The following CEP126 variants were observed in gnomAD, a reference collection of about 807,000 sequenced individuals.
CEP126 encodes centrosomal protein 126, also known as centrosomal protein of 126 kDa.
In CEP126, 74 loss-of-function variants were observed where a neutral mutation model predicts 107.8. That is an observed-to-expected ratio of 0.69 (90% CI 0.57 to 0.83). CEP126 has a LOEUF of 0.83. Among genes scored for constraint, CEP126 ranks in the 40% least tolerant of loss-of-function variants. The pLI, the probability that CEP126 is intolerant of heterozygous loss-of-function variation, is 0.00. For synonymous variants in CEP126, 449 were observed against 446.0 expected (o/e 1.01, Z -0.08); for missense variants, 1,237 against 1,281.9 (o/e 0.96, Z 0.53).
At chr11:101,978,248 G>A (rs1941215713) in intron 6 of CEP126, 99 bp from the exon 7 acceptor site, 11 of 746,534 alleles carry the variant, frequency 1.5e-5, no homozygotes, top group Non-Finnish European at 2.3e-6. Context: ...AACTTACAGA[G>A]TTTTCTTGAT....
rs142643716 is a variant in CEP126, at chr11:101,915,016, T to C, written c.-269T>C. 5,914 of 399,538 alleles carry C rather than the reference T, an allele frequency of 0.015. 102 individuals carry two copies. Among genetic ancestry groups the C allele is most frequent in the African/African-American group, 0.06 (2,948 of 48,858 alleles). 24.7% of individuals were successfully genotyped at this position (399,538 alleles called of 1,614,324 possible). ...GGTTTCCGTTGTCAAGGACGCGCCG[T>C]CGGTTGTTGTCAAGATGGCGGCTGC... On this transcript the variant is annotated 5_prime_UTR_variant, in exon 1 of 11. Transcript: ENST00000263468.
At chr11:101,988,105 T>C (rs1941335917) in intron 9 of CEP126, among the ~76,000 whole-genome samples, 1 of 152,204 alleles carries the variant, frequency 6.6e-6, no homozygotes, top group African/African-American at 2.4e-5. Context: ...TAAATAACTA[T>C]GCTTGTATGC....
chr11:101,932,370 C>A (rs1940513422), intron 2 of CEP126, among the ~76,000 whole-genome samples: 1 of 151,984 alleles, frequency 6.6e-6, no homozygotes, highest in Non-Finnish European at 1.5e-5. Context: ...TTCTACAGTC[C>A]CAGAAAATAC....
In CEP126 at chr11:101,992,860, C is replaced by T. The variant is rs1941401829; in HGVS notation, c.3309+18C>T. The T allele has an allele frequency of 6.6e-7, 1 of 1,504,992 alleles. No homozygotes were observed. 93.2% of individuals were successfully genotyped at this position (1,504,992 alleles called of 1,614,324 possible). ...CACTTCTGGTAAGTATTTGAAGAAG[C>T]TCTTTTTTTCTTGTTTTAGGAAACT... On this transcript the variant is annotated intron_variant, in intron 10 of 10. Transcript: ENST00000263468.
intron 2 of CEP126, among the ~76,000 whole-genome samples, chr11:101,940,788 T>C (rs1479544702): frequency 6.6e-6 from 1 of 152,226 alleles, no homozygotes; most frequent in African/African-American, 2.4e-5. Context: ...ACTGAAATTC[T>C]TAGATGGGGT....
At chr11:101,960,049 A>C (rs1272618700) in intron 5 of CEP126, among the ~76,000 whole-genome samples, 1 of 152,208 alleles carries the variant, frequency 6.6e-6, no homozygotes, top group Non-Finnish European at 1.5e-5. Flanking sequence ...GAAGCCCAAC[A>C]AACTCCAAGA....
intron 3 of CEP126, among the ~76,000 whole-genome samples, chr11:101,946,473 A>G (rs112842532): frequency 0.013 from 1,911 of 152,242 alleles, 21 homozygotes; most frequent in Non-Finnish European, 0.019. Context: ...ACACCACTGC[A>G]CTCCAGCCTG....
chr11:101,944,457 A>G (rs1452680505), intron 3 of CEP126, 47 bp downstream of exon 3: 1 of 1,520,032 alleles, frequency 6.6e-7, no homozygotes, highest in East Asian at 2.4e-5. Context: ...TTTTAATCTC[A>G]TTTGACTTGA....
Position 101,997,852 on chromosome 11 carries a change from A to G in CEP126, c.*209A>G. 1 of 601,026 alleles carries G rather than the reference A, an allele frequency of 1.7e-6. No homozygotes were observed. The highest frequency in any genetic ancestry group is 2.8e-6 in the Non-Finnish European group (1 of 351,850). The allele number at this position is 601,026 out of a possible 1,614,324, so 37.2% of individuals were successfully genotyped here. A position where few individuals can be genotyped will look rare whatever the true frequency, so the allele number is the denominator to read the frequency against. On this transcript the variant is annotated 3_prime_UTR_variant, in exon 11 of 11. Coordinates refer to ENST00000263468, the MANE Select transcript of CEP126 (RefSeq NM_020802.4). Reference sequence around the variant, plus strand: ...TTAACAGAGTTCTGAGAATACCATGAAAGACATTATGCCTGCCTAAACAAA... The same window carrying G: ...TTAACAGAGTTCTGAGAATACCATGGAAGACATTATGCCTGCCTAAACAAA...
chr11:101,989,682 G>A (rs995899170), intron 9 of CEP126, among the ~76,000 whole-genome samples: 8 of 152,104 alleles, frequency 5.3e-5, no homozygotes, highest in Admixed American at 3.9e-4. Context: ...GAAACAGGCC[G>A]GGCGCGGTGC....
Position 101,944,388 on chromosome 11 carries a change from T to G in CEP126, c.372T>G (p.Pro124=). Residue 124 remains proline, a synonymous_variant, in exon 3 of 11, where the codon CCT becomes CCG. Transcript: ENST00000263468. ...AAAAATTCCAGCGTGCCCATGTTCC[T>G]CTTTCACAGCGGAGGAAAGCAGGTG... is the stretch of plus-strand genomic sequence containing the variant. ...VTEKFQRAHV[P]LSQRRKAVSR... is the part of the protein sequence containing the mutation. 6.2e-7 allele frequency: 1 copy of G among 1,610,722 alleles called. No individual in the cohort carries two copies. The highest frequency in any genetic ancestry group is 8.5e-7 in the Non-Finnish European group (1 of 1,178,868).
At chr11:101,966,612 A>C (rs2137116021) in intron 6 of CEP126, among the ~76,000 whole-genome samples, 1 of 152,302 alleles carries the variant, frequency 6.6e-6, no homozygotes, top group African/African-American at 2.4e-5. Flanking sequence ...AGTCTTTGCC[A>C]TCATATTGGA....
chr11:101,921,947 G>A (rs148012845), intron 1 of CEP126, among the ~76,000 whole-genome samples: 4,194 of 149,590 alleles, frequency 0.028, 80 homozygotes, highest in African/African-American at 0.052. Flanking sequence ...CACCACGCCC[G>A]CCTAATTTTT....
At chr11:101,928,768 C>T (rs79125368) in intron 2 of CEP126, among the ~76,000 whole-genome samples, 2,491 of 152,260 alleles carry the variant, frequency 0.016, 24 homozygotes, top group Non-Finnish European at 0.021. Context: ...ACCAATACCC[C>T]ACAATTTTGA....
intron 2 of CEP126, among the ~76,000 whole-genome samples, chr11:101,929,435 C>CATCAA (rs1940460871): frequency 6.6e-6 from 1 of 152,176 alleles, no homozygotes; most frequent in South Asian, 2.1e-4. Flanking sequence ...AGCCAAGGTT[C>CATCAA]ATCACTCAGC....
chr11:101,924,969 C>T (rs1940385604), intron 2 of CEP126, among the ~76,000 whole-genome samples: 1 of 152,058 alleles, frequency 6.6e-6, no homozygotes, highest in Non-Finnish European at 1.5e-5. Context: ...ATTTTTCTTG[C>T]ATTGTATGCT....
intron 1 of CEP126, chr11:101,916,322 C>G (rs1456581215): frequency 5.3e-5 from 8 of 152,190 alleles, no homozygotes; most frequent in Non-Finnish European, 1.0e-4. Flanking sequence ...GTATTGAGTG[C>G]CTGCTCTTTG....
chr11:101,934,987 A>G (rs1009756630), intron 2 of CEP126, among the ~76,000 whole-genome samples: 2 of 152,082 alleles, frequency 1.3e-5, no homozygotes, highest in African/African-American at 4.8e-5. Flanking sequence ...CAGTTTTCCA[A>G]AAGGGCTGAC....
At chr11:101,970,432 C>A (rs181616907) in intron 6 of CEP126, among the ~76,000 whole-genome samples, 3 of 152,128 alleles carry the variant, frequency 2.0e-5, no homozygotes, top group African/African-American at 7.2e-5. Flanking sequence ...ATGAGGGGAG[C>A]ATTTTTGGTG....
Sources: gnomAD v4.1 joint callset for allele counts (sites outside exome capture counted in the v4.1 genomes callset) on GRCh38, gnomAD v4.1.1 for gene constraint, MANE v1.5 for transcripts, NCBI Gene and HGNC (gene_info 2026-07-23, HGNC 2026-07-21) for gene names.